The following BCKDHB variants were observed in gnomAD, a reference collection of about 807,000 sequenced individuals.
The protein encoded by BCKDHB is 2-oxoisovalerate dehydrogenase subunit beta, mitochondrial.
Under a neutral mutation model 48.5 loss-of-function variants are expected in BCKDHB, and 41 were observed. The ratio of observed to expected loss-of-function variants is 0.85; its 90% CI spans 0.66 to 1.10. The LOEUF (loss-of-function observed/expected upper bound fraction) is 1.10. Among genes scored for constraint, BCKDHB ranks in the 50% least tolerant of loss-of-function variants. BCKDHB has a pLI of 0.00. For missense variants in BCKDHB, 496 were observed against 494.2 expected (o/e 1.00, Z -0.03); for synonymous variants, 201 against 174.8 (o/e 1.15, Z -1.18).
intron 8 of BCKDHB, among the ~76,000 whole-genome samples, chr6:80,265,365 C>G (rs1435231573): frequency 6.6e-6 from 1 of 152,080 alleles, no homozygotes; most frequent in African/African-American, 2.4e-5. Flanking sequence ...TGGGATATTA[C>G]TGTTTCAAAG....
intron 3 of BCKDHB, among the ~76,000 whole-genome samples, chr6:80,141,515 G>GT (rs768029728): frequency 1.3e-5 from 2 of 152,068 alleles, no homozygotes; most frequent in African/African-American, 2.4e-5. Flanking sequence ...ACCAACAGGT[G>GT]TTCTCTTTGA....
chr6:80,222,862 A>G (rs1263674131), intron 8 of BCKDHB, among the ~76,000 whole-genome samples: 3 of 152,206 alleles, frequency 2.0e-5, no homozygotes, highest in Admixed American at 6.5e-5. Context: ...AAGAGTGGCT[A>G]CTAGGCCCTT....
chr6:80,395,725 G>T, the BCKDHB span, among the ~76,000 whole-genome samples: 1 of 152,184 alleles, frequency 6.6e-6, no homozygotes, highest in Non-Finnish European at 1.5e-5. Flanking sequence ...TATCTCCTGG[G>T]CATATCAGAG....
At chr6:80,279,488 T>A (rs1173667427) in intron 9 of BCKDHB, among the ~76,000 whole-genome samples, 1 of 152,098 alleles carries the variant, frequency 6.6e-6, no homozygotes, top group Non-Finnish European at 1.5e-5. Context: ...CTCCAGCTGT[T>A]CACCTCTCGT....
At chr6:80,333,002 C>T (rs1479268699) in intron 9 of BCKDHB, among the ~76,000 whole-genome samples, 5 of 151,888 alleles carry the variant, frequency 3.3e-5, no homozygotes, top group African/African-American at 1.2e-4. Flanking sequence ...CCCCAATGAC[C>T]GACCCCCTAG....
Position 80,200,917 on chromosome 6 carries a change from TC to T in BCKDHB, c.743-15del, listed in dbSNP as rs749321740. 183 of 1,567,156 alleles carry T rather than the reference TC, an allele frequency of 1.2e-4. No homozygotes were observed. The highest frequency in any genetic ancestry group is 1.5e-4 in the Non-Finnish European group (170 of 1,139,670). ...CAGAAAAAATGTCCTTTTTTTTTTT[TC>T]CTGTTCTGTATTTAGCGGAAGAAGT... On this transcript the variant is annotated splice_polypyrimidine_tract_variant and intron_variant, in intron 6 of 9. Coordinates refer to ENST00000320393, the MANE Select transcript of BCKDHB (RefSeq NM_183050.4).
In BCKDHB at chr6:80,143,464, C is replaced by T. The variant is rs139719291; in HGVS notation, c.343+14235C>T. ...GGAGGAGCCAATAAAAACAGCTCTA[C>T]GTGGAGGACAGTATTAATGTCATTT... On this transcript the variant is annotated intron_variant, in intron 3 of 9. Coordinates refer to ENST00000320393, the MANE Select transcript of BCKDHB (RefSeq NM_183050.4). Among the ~76,000 whole-genome samples, 158 of 152,228 alleles carry T rather than the reference C, an allele frequency of 1.0e-3. 1 individual carries two copies. Among genetic ancestry groups the T allele is most frequent in the Non-Finnish European group, 1.9e-3 (126 of 68,002 alleles).
At chr6:80,110,870 G>T (rs976471894) in intron 1 of BCKDHB, among the ~76,000 whole-genome samples, 1 of 152,162 alleles carries the variant, frequency 6.6e-6, no homozygotes, top group Non-Finnish European at 1.5e-5. Context: ...CTGTATTTTG[G>T]CTGGCACTGC....
At chr6:80,400,791 A>G in the BCKDHB span, among the ~76,000 whole-genome samples, 111 of 152,212 alleles carry the variant, frequency 7.3e-4, no homozygotes, top group African/African-American at 2.6e-3. Flanking sequence ...GCTATTCACA[A>G]TGGCAAACAT....
At chr6:80,237,508 A>T (rs1204413907) in intron 8 of BCKDHB, among the ~76,000 whole-genome samples, 2 of 152,218 alleles carry the variant, frequency 1.3e-5, no homozygotes, top group African/African-American at 4.8e-5. Context: ...TAATAAGCTC[A>T]TGGAAATTCA....
At chr6:80,178,990 G>A (rs1773291826) in intron 6 of BCKDHB, among the ~76,000 whole-genome samples, 1 of 152,094 alleles carries the variant, frequency 6.6e-6, no homozygotes, top group Non-Finnish European at 1.5e-5. Flanking sequence ...TAGCTGTCTA[G>A]TTTTTAAAAG....
intron 6 of BCKDHB, among the ~76,000 whole-genome samples, chr6:80,180,191 A>T (rs1015721244): frequency 6.6e-6 from 1 of 152,202 alleles, no homozygotes; most frequent in Admixed American, 6.5e-5. Flanking sequence ...ATTTCTCCTT[A>T]TTTTGAATAT....
chr6:80,414,017 G>A, the BCKDHB span, among the ~76,000 whole-genome samples: 18 of 152,030 alleles, frequency 1.2e-4, no homozygotes, highest in South Asian at 1.5e-3. Flanking sequence ...ATGGTATCTC[G>A]TTGTAGTTTG....
chr6:80,306,156 C>G (rs751928130), intron 9 of BCKDHB, among the ~76,000 whole-genome samples: 12 of 152,124 alleles, frequency 7.9e-5, no homozygotes, highest in Admixed American at 2.6e-4. Flanking sequence ...CACCTTTATT[C>G]TTTTCATCAA....
chr6:80,171,119 T>A (rs1176964825), intron 5 of BCKDHB, among the ~76,000 whole-genome samples, 163 bp from the exon 6 acceptor site: 2 of 152,134 alleles, frequency 1.3e-5, no homozygotes, highest in African/African-American at 4.8e-5. Flanking sequence ...TTTATTTTTA[T>A]ATAATATGTA....
chr6:80,266,533 G>A (rs1245216474), intron 8 of BCKDHB, among the ~76,000 whole-genome samples: 1 of 152,050 alleles, frequency 6.6e-6, no homozygotes, highest in Admixed American at 6.6e-5. Context: ...GGAACGGGAA[G>A]CTTGTGTTCA....
chr6:80,178,651 T>A (rs1425248969), intron 6 of BCKDHB, among the ~76,000 whole-genome samples: 2 of 152,192 alleles, frequency 1.3e-5, no homozygotes, highest in Non-Finnish European at 2.9e-5. Context: ...ACTATGTCAT[T>A]TAATTCTCAC....
At chr6:80,434,545 AT>A in the BCKDHB span, among the ~76,000 whole-genome samples, 1 of 151,958 alleles carries the variant, frequency 6.6e-6, no homozygotes, top group East Asian at 1.9e-4. Context: ...GATATTGTGA[AT>A]TTTTTTATTA....
In BCKDHB at chr6:80,252,868, T is replaced by A. The variant is rs560157305; in HGVS notation, c.952-20267T>A. ...AAACAAAAGTCAGTTAAATAGGTTG[T>A]TTGTAAAGTTCTGTATAGTCTAGAT... On this transcript the variant is annotated intron_variant, in intron 8 of 9. Transcript: ENST00000320393. Among the ~76,000 whole-genome samples the A allele has an allele frequency of 7.2e-5, 11 of 152,228 alleles. 1 individual carries two copies. Among genetic ancestry groups the A allele is most frequent in the African/African-American group, 2.6e-4 (11 of 41,532 alleles).
Sources: gnomAD v4.1 joint callset for allele counts (sites outside exome capture counted in the v4.1 genomes callset) on GRCh38, gnomAD v4.1.1 for gene constraint, MANE v1.5 for transcripts, NCBI Gene and HGNC (gene_info 2026-07-23, HGNC 2026-07-21) for gene names.